The following KAZALD1 variants were observed in gnomAD, a reference collection of about 807,000 sequenced individuals.
KAZALD1 encodes Kazal type serine peptidase inhibitor domain 1.
KAZALD1 carries 31 observed loss-of-function variants against 27.7 expected under a neutral mutation model. The observed-to-expected ratio is 1.12, with a 90% confidence interval of 0.84 to 1.51. KAZALD1 has a LOEUF of 1.51. KAZALD1 is among the 40% of genes most tolerant of loss of function. KAZALD1 has a pLI of 0.00. For synonymous variants in KAZALD1, 179 were observed against 182.0 expected, an observed-to-expected ratio of 0.98 and a Z score of 0.13; for missense variants, 444 against 408.9, an observed-to-expected ratio of 1.09 and a Z score of -0.74.
intron 2 of KAZALD1, 164 bp from the exon 3 acceptor site, chr10:101,064,097 G>C: frequency 1.5e-6 from 1 of 685,712 alleles, no homozygotes; most frequent in Non-Finnish European, 2.5e-6. Context: ...CCATATCTGT[G>C]TGTACCTGTG....
At position 101,062,899 on chromosome 10, in the gene KAZALD1, G is replaced by T; in HGVS notation, c.307G>T (p.Gly103Cys). 1.2e-6 allele frequency: 2 copies of T among 1,603,338 alleles called. No homozygotes were observed. The highest frequency in any genetic ancestry group is 1.7e-6 in the Non-Finnish European group (2 of 1,179,682). The change falls in exon 2 of 5, where the codon GGC becomes TGC. Residue 103 changes from glycine to cysteine, a missense_variant. Gly to Cys is a radical substitution (Grantham distance 159). Coordinates refer to ENST00000370200, the MANE Select transcript of KAZALD1 (RefSeq NM_030929.5). ...DPSAHFYGHCGEQLECRLDTG... is the reference protein window; with the variant it reads ...DPSAHFYGHCCEQLECRLDTG... The stretch of plus-strand genomic sequence containing the variant: ...CAGTGCTCACTTCTACGGGCACTGC[G>T]GCGAGCAGCTTGAGTGCCGGCTGGA...
Position 101,065,128 on chromosome 10 carries a change from C to T in KAZALD1, c.*208C>T, listed in dbSNP as rs557969681. ...AGGAGGGTAGGGAGAGAAGCTGAGA[C>T]CAGGACCGGTGGGGTACAAAGGGGC... On this transcript the variant is annotated 3_prime_UTR_variant, in exon 5 of 5. Coordinates refer to ENST00000370200, the MANE Select transcript of KAZALD1 (RefSeq NM_030929.5). 5.3e-6 allele frequency: 3 copies of T among 567,890 alleles called. No individual in the cohort carries two copies. The highest frequency in any genetic ancestry group is 9.5e-6 in the Non-Finnish European group (3 of 317,106). 35.2% of individuals were successfully genotyped at this position (567,890 alleles called of 1,614,324 possible). A position where few individuals can be genotyped will look rare whatever the true frequency, so the allele number is the denominator to read the frequency against.
rs778962592 is a variant in KAZALD1, at chr10:101,062,957, C to T, written c.365C>T (p.Pro122Leu). 1.9e-6 allele frequency: 3 copies of T among 1,601,798 alleles called. No individual in the cohort carries two copies. The highest frequency in any genetic ancestry group is 2.7e-5 in the African/African-American group (2 of 74,904). ...TGGDLSRGEV[P>L]EPLCACRSQS... ...GGCGACCTGAGCCGCGGAGAGGTGCCGGAACCTCTGTGTGCCTGTCGTTCG... is the reference window on the plus strand; with the variant it reads ...GGCGACCTGAGCCGCGGAGAGGTGCTGGAACCTCTGTGTGCCTGTCGTTCG... Residue 122 changes from proline to leucine, a missense_variant, in exon 2 of 5, where the codon CCG becomes CTG. Pro to Leu is a moderately conservative substitution (Grantham distance 98, BLOSUM62 -3). Transcript: ENST00000370200.
chr10:101,067,424 G>A (rs1023119539), downstream of KAZALD1: 6 of 414,130 alleles, frequency 1.4e-5, no homozygotes, highest in Middle Eastern at 3.5e-4. Flanking sequence ...CCGGAGTCCG[G>A]ACAAACCGGG....
chr10:101,067,340 C>T (rs905615380), downstream of KAZALD1: 5 of 456,328 alleles, frequency 1.1e-5, no homozygotes, highest in Middle Eastern at 3.2e-4. Flanking sequence ...CCTACATTTC[C>T]CACCTCCAAG....
At position 101,066,654 on chromosome 10, in the gene KAZALD1, CT is replaced by C. The variant is rs543951611; in HGVS notation, c.*1735del. ...CCAGCATCAGCCAGGGAATCCGCCCCTAGCTTGTTCTTCGCCCAGCTGGGCT... is the reference window on the plus strand; with the variant it reads ...CCAGCATCAGCCAGGGAATCCGCCCCAGCTTGTTCTTCGCCCAGCTGGGCT... On this transcript the variant is annotated 3_prime_UTR_variant, in exon 5 of 5. Coordinates refer to ENST00000370200, the MANE Select transcript of KAZALD1 (RefSeq NM_030929.5). The C allele has an allele frequency of 1.8e-3, 682 of 372,248 alleles. 5 individuals carry two copies. The highest frequency in any genetic ancestry group is 0.013 in the African/African-American group (614 of 47,724). The allele number at this position is 372,248 out of a possible 1,614,324, so 23.1% of individuals were successfully genotyped here.
chr10:101,067,714 G>T, downstream of KAZALD1: 1 of 355,090 alleles, frequency 2.8e-6, no homozygotes. Context: ...GTGTCCTGGC[G>T]AAGCCCAGCC....
chr10:101,067,095 C>T (rs1328448558), downstream of KAZALD1: 2 of 342,496 alleles, frequency 5.8e-6, no homozygotes, highest in East Asian at 1.6e-4. Flanking sequence ...GCGCGGGCGG[C>T]GTTTTAATAA....
In KAZALD1 at chr10:101,066,694, T is replaced by C; in HGVS notation, c.*1774T>C. The stretch of plus-strand genomic sequence containing the variant: ...CCCAGCTGGGCTCCAAGACGCCCTC[T>C]GCGGGCCCATAGCTCCTACCGCGTC... On this transcript the variant is annotated 3_prime_UTR_variant, in exon 5 of 5. Transcript: ENST00000370200. 2 of 358,278 alleles carry C rather than the reference T, an allele frequency of 5.6e-6. No homozygotes were observed. The highest frequency in any genetic ancestry group is 7.1e-5 in the Admixed American group (2 of 28,340). 22.2% of individuals were successfully genotyped at this position (358,278 alleles called of 1,614,324 possible). A position where few individuals can be genotyped will look rare whatever the true frequency, so the allele number is the denominator to read the frequency against.
At position 101,064,646 on chromosome 10, in the gene KAZALD1, C is replaced by T. The variant is rs753339979; in HGVS notation, c.818C>T (p.Pro273Leu). The change falls in exon 4 of 5, where the codon CCT becomes CTT. Residue 273 changes from proline to leucine, a missense_variant and splice_region_variant. Transcript: ENST00000370200. ...EAPASLTVLT[P>L]DQLNSTGIPQ... ...CCTGCTAGCTTGACAGTGCTCACAC[C>T]TGGTAAGGGGATTCCTGAGTTCTGG... 5.0e-6 allele frequency: 8 copies of T among 1,613,532 alleles called. No homozygotes were observed. In the Admixed American group the frequency reaches 1.3e-4, roughly 27 times the overall value.
Position 101,064,288 on chromosome 10 carries a change from A to G in KAZALD1, c.539A>G (p.Asp180Gly). ...CCCCAGATCGTGTCACATCCATATGACACTTGGAATGTGACAGGGCAGGAT... is the reference window on the plus strand; with the variant it reads ...CCCCAGATCGTGTCACATCCATATGGCACTTGGAATGTGACAGGGCAGGAT... ...SGPQIVSHPY[D>G]TWNVTGQDVI... Residue 180 changes from aspartate (D) to glycine (G), a missense_variant, in exon 3 of 5, where the codon GAC becomes GGC. Coordinates refer to ENST00000370200, the MANE Select transcript of KAZALD1 (RefSeq NM_030929.5). 6.2e-7 allele frequency: 1 copy of G among 1,614,100 alleles called. No homozygotes were observed. Among genetic ancestry groups the G allele is most frequent in the Middle Eastern group, 1.6e-4 (1 of 6,062 alleles).
rs957108385 is a variant in KAZALD1, at chr10:101,067,025, C to T, written c.*2105C>T. The T allele has an allele frequency of 3.1e-6, 1 of 318,852 alleles. No individual in the cohort carries two copies. The highest frequency in any genetic ancestry group is 6.2e-6 in the Non-Finnish European group (1 of 161,092). The allele number at this position is 318,852 out of a possible 1,614,324, so 19.8% of individuals were successfully genotyped here. A position where few individuals can be genotyped will look rare whatever the true frequency, so the allele number is the denominator to read the frequency against. ...TATTAAAGTAATGCGGGCGCAGGGACGGGAAAGGTTTAATAAACGTGCTGA... is the reference window on the plus strand; with the variant it reads ...TATTAAAGTAATGCGGGCGCAGGGATGGGAAAGGTTTAATAAACGTGCTGA... On this transcript the variant is annotated 3_prime_UTR_variant, in exon 5 of 5. Transcript: ENST00000370200.
chr10:101,062,735 C>T lies in KAZALD1; in HGVS notation c.143C>T (p.Ala48Val), dbSNP rs1390413351. ...CGGCGCGGCTGGATGCGGCTGCTAG[C>T]GGAGGGCGAGGGCTGCGCTCCCTGC... ...YLRRGWMRLLAEGEGCAPCRP... is the reference protein window; with the variant it reads ...YLRRGWMRLLVEGEGCAPCRP... The change falls in exon 2 of 5, where the codon GCG (alanine) becomes GTG (valine). Residue 48 changes from alanine (A) to valine (V), a missense_variant. By Grantham distance (64) the Ala-to-Val change is moderately conservative. Coordinates refer to ENST00000370200, the MANE Select transcript of KAZALD1 (RefSeq NM_030929.5). 6.5e-7 allele frequency: 1 copy of T among 1,540,696 alleles called. No homozygotes were observed. Among genetic ancestry groups the T allele is most frequent in the Non-Finnish European group, 8.7e-7 (1 of 1,152,216 alleles).
At position 101,062,888 on chromosome 10, in the gene KAZALD1, A is replaced by G. The variant is rs575756848; in HGVS notation, c.296A>G (p.Tyr99Cys). 4.4e-6 allele frequency: 7 copies of G among 1,603,292 alleles called. No homozygotes were observed. The South Asian group carries it at 4.4e-5, about 10-fold the overall frequency. Residue 99 changes from tyrosine to cysteine, a missense_variant, in exon 2 of 5, where the codon TAC (tyrosine) becomes TGC (cysteine). Tyr to Cys is a radical substitution (Grantham distance 194). Coordinates refer to ENST00000370200, the MANE Select transcript of KAZALD1 (RefSeq NM_030929.5). Reference sequence around the variant, plus strand: ...GACCTGGACCCCAGTGCTCACTTCTACGGGCACTGCGGCGAGCAGCTTGAG... The same window carrying G: ...GACCTGGACCCCAGTGCTCACTTCTGCGGGCACTGCGGCGAGCAGCTTGAG... ...LCDLDPSAHF[Y>C]GHCGEQLECR...
intron 1 of KAZALD1, among the ~76,000 whole-genome samples, chr10:101,062,328 ACTCCCAGCC>A (rs1939178434): frequency 6.6e-6 from 1 of 151,004 alleles, no homozygotes; most frequent in African/African-American, 2.4e-5. Flanking sequence ...ACCTCTCTTC[ACTCCCAGCC>A]CTCCCAAGAA....
chr10:101,065,159 C>T lies in KAZALD1; in HGVS notation c.*239C>T, dbSNP rs1777651596. 2.0e-6 allele frequency: 1 copy of T among 511,088 alleles called. No individual in the cohort carries two copies. Among genetic ancestry groups the T allele is most frequent in the Admixed American group, 3.3e-5 (1 of 30,062 alleles). 31.7% of individuals were successfully genotyped at this position (511,088 alleles called of 1,614,324 possible). A position where few individuals can be genotyped will look rare whatever the true frequency, so the allele number is the denominator to read the frequency against. On this transcript the variant is annotated 3_prime_UTR_variant, in exon 5 of 5. Coordinates refer to ENST00000370200, the MANE Select transcript of KAZALD1 (RefSeq NM_030929.5). ...CCGGTGGGGTACAAAGGGGCCCATG[C>T]AGGAGATGCCCTGGCCAGTAGGACC...
rs770905217 is a variant in KAZALD1 at position 101,062,548 on chromosome 10, C to A, written c.-45C>A. On this transcript the variant is annotated 5_prime_UTR_variant, in exon 2 of 5. Coordinates refer to ENST00000370200, the MANE Select transcript of KAZALD1 (RefSeq NM_030929.5). The stretch of plus-strand genomic sequence containing the variant: ...TGGCTTCCCTTCCTGGCAGGGTGCC[C>A]GAACGCGCTGATGCCCCGAGTGCTC... The A allele has an allele frequency of 7.1e-6, 11 of 1,557,874 alleles. No individual in the cohort carries two copies. The Admixed American group carries it at 1.8e-4, about 26-fold the overall frequency.
rs772461600 is a variant in KAZALD1 at position 101,062,869 on chromosome 10, G to A, written c.277G>A (p.Asp93Asn). Residue 93 changes from aspartate (D) to asparagine (N), a missense_variant, in exon 2 of 5, where the codon GAC becomes AAC. Physicochemically the swap from Asp to Asn is conservative, Grantham distance 23. Transcript: ENST00000370200. ...ANLEGQLCDL[D>N]PSAHFYGHCG... ...CCTCGAGGGCCAGCTCTGCGACCTG[G>A]ACCCCAGTGCTCACTTCTACGGGCA... The A allele has an allele frequency of 1.4e-5, 22 of 1,601,810 alleles. No homozygotes were observed. In the South Asian group the frequency reaches 2.2e-4, roughly 16 times the overall value.
chr10:101,065,256 A>C lies in KAZALD1; in HGVS notation c.*336A>C. 1 of 260,316 alleles carries C rather than the reference A, an allele frequency of 3.8e-6. No individual in the cohort carries two copies. The highest frequency in any genetic ancestry group is 8.5e-5 in the East Asian group (1 of 11,814). The allele number at this position is 260,316 out of a possible 1,614,324, so 16.1% of individuals were successfully genotyped here. On this transcript the variant is annotated 3_prime_UTR_variant, in exon 5 of 5. Coordinates refer to ENST00000370200, the MANE Select transcript of KAZALD1 (RefSeq NM_030929.5). The stretch of plus-strand genomic sequence containing the variant: ...AGAGGTGCAGGCACCAGGATTCTCC[A>C]CTTCTTCCAGCCCTGCTGGGCCACA...
Sources: gnomAD v4.1 joint callset for allele counts (sites outside exome capture counted in the v4.1 genomes callset) on GRCh38, gnomAD v4.1.1 for gene constraint, MANE v1.5 for transcripts, NCBI Gene and HGNC (gene_info 2026-07-23, HGNC 2026-07-21) for gene names.